The following PLPPR5 variants were observed in gnomAD, a reference collection of about 807,000 sequenced individuals.
PLPPR5 encodes the protein phospholipid phosphatase-related protein type 5.
In PLPPR5, 16 loss-of-function variants were observed where a neutral mutation model predicts 33.9. That is an observed-to-expected ratio of 0.47 (90% confidence interval 0.32 to 0.72). The LOEUF (loss-of-function observed/expected upper bound fraction) is 0.72. Among genes scored for constraint, PLPPR5 ranks in the 30% least tolerant of loss-of-function variants. The pLI is 0.03. For synonymous variants in PLPPR5, 163 were observed against 150.3 expected, an observed-to-expected ratio of 1.08 and a Z score of -0.62; for missense variants, 301 against 406.7, an observed-to-expected ratio of 0.74 and a Z score of 2.23.
At chr1:98,989,440 G>A (rs1285629691) in intron 1 of PLPPR5, among the ~76,000 whole-genome samples, 1 of 152,110 alleles carries the variant, frequency 6.6e-6, no homozygotes, top group Non-Finnish European at 1.5e-5. Context: ...TGAGGACACT[G>A]TAACCCACAA....
Position 98,947,793 on chromosome 1 carries a change from A to T in PLPPR5, c.621+5277T>A, listed in dbSNP as rs950226228. 3.9e-5 allele frequency among the ~76,000 whole-genome samples: 6 copies of T among 152,316 alleles called. No individual in the cohort carries two copies. The East Asian group carries it at 7.7e-4, about 20-fold the overall frequency. Reference sequence around the variant, plus strand: ...TAGGTGAAACATCAATCGACTAATAATAGTGGTCATGGCACCAGTTGTCAT... The same window carrying T: ...TAGGTGAAACATCAATCGACTAATATTAGTGGTCATGGCACCAGTTGTCAT... On this transcript the variant is annotated intron_variant, in intron 3 of 5. Transcript: ENST00000263177.
intron 1 of PLPPR5, among the ~76,000 whole-genome samples, chr1:98,974,312 T>C (rs996658656): frequency 1.3e-5 from 2 of 152,090 alleles, no homozygotes; most frequent in African/African-American, 4.8e-5. Flanking sequence ...GAGGTTGTCA[T>C]TGGTGACCTC....
chr1:98,987,791 GA>G (rs987066024), intron 1 of PLPPR5, among the ~76,000 whole-genome samples: 3 of 151,840 alleles, frequency 2.0e-5, no homozygotes, highest in Non-Finnish European at 2.9e-5. Flanking sequence ...AACTAATAAA[GA>G]ATTATGCATT....
intron 2 of PLPPR5, among the ~76,000 whole-genome samples, chr1:98,954,322 C>T (rs12077993): frequency 0.01 from 1,532 of 152,206 alleles, 24 homozygotes; most frequent in African/African-American, 0.035. Flanking sequence ...TAAAATCCAA[C>T]AGGACCTTTT....
intron 2 of PLPPR5, among the ~76,000 whole-genome samples, chr1:98,954,591 C>G (rs1384794190): frequency 6.6e-6 from 1 of 151,984 alleles, no homozygotes; most frequent in Non-Finnish European, 1.5e-5. Context: ...AGTTTACATA[C>G]AAAAACCCCC....
chr1:98,929,541 G>A lies in PLPPR5; in HGVS notation c.622-7483C>T, dbSNP rs570353370. The stretch of plus-strand genomic sequence containing the variant: ...AACACTAAGGAGTCACAAATGTGAT[G>A]TAAGTAACAACAACCTCAGTGTTCA... On this transcript the variant is annotated intron_variant, in intron 3 of 5. Coordinates refer to ENST00000263177, the MANE Select transcript of PLPPR5 (RefSeq NM_001037317.2). Among the ~76,000 whole-genome samples, 45 of 152,290 alleles carry A rather than the reference G, an allele frequency of 3.0e-4. 3 individuals carry two copies. The South Asian group carries it at 8.1e-3, about 27-fold the overall frequency.
chr1:98,969,262 G>A (rs182125932), intron 1 of PLPPR5, among the ~76,000 whole-genome samples: 1 of 152,114 alleles, frequency 6.6e-6, no homozygotes, highest in East Asian at 1.9e-4. Flanking sequence ...TTATATGACA[G>A]AGAAAAGAAT....
At chr1:98,991,673 A>C (rs568274961) in intron 1 of PLPPR5, among the ~76,000 whole-genome samples, 1 of 140,312 alleles carries the variant, frequency 7.1e-6, no homozygotes, top group African/African-American at 2.7e-5. Context: ...TAACTTCAAA[A>C]GGTTGAGTTG....
At chr1:98,919,976 GAATGCATA>G (rs1649485662) in intron 4 of PLPPR5, among the ~76,000 whole-genome samples, 1 of 152,094 alleles carries the variant, frequency 6.6e-6, no homozygotes, top group Non-Finnish European at 1.5e-5. Flanking sequence ...GGCTGTGAAT[GAATGCATA>G]AATGCATTTT....
intron 5 of PLPPR5, among the ~76,000 whole-genome samples, chr1:98,899,658 G>T (rs12075374): frequency 0.11 from 11,547 of 103,196 alleles, 843 homozygotes; most frequent in African/African-American, 0.22. Flanking sequence ...TATTTCACTT[G>T]TTTTTTTTTT....
At chr1:98,983,166 C>T (rs1299892907) in intron 1 of PLPPR5, among the ~76,000 whole-genome samples, 1 of 151,212 alleles carries the variant, frequency 6.6e-6, no homozygotes, top group Non-Finnish European at 1.5e-5. Flanking sequence ...CAACATGTGC[C>T]ATGCTGGTGC....
At chr1:98,936,375 C>T (rs309059) in intron 3 of PLPPR5, among the ~76,000 whole-genome samples, 142,440 of 152,294 alleles carry the variant, frequency 0.94, 66,701 homozygotes, top group East Asian at 1. Flanking sequence ...GATGCTGACA[C>T]GGCCATAAGC....
At chr1:98,979,412 G>A (rs1651979115) in intron 1 of PLPPR5, among the ~76,000 whole-genome samples, 1 of 151,992 alleles carries the variant, frequency 6.6e-6, no homozygotes, top group Non-Finnish European at 1.5e-5. Context: ...TTTGATTATT[G>A]TGAGCTATTC....
Position 98,953,252 on chromosome 1 carries a change from G to A in PLPPR5, c.439C>T (p.Leu147=). 6.2e-7 allele frequency: 1 copy of A among 1,614,046 alleles called. No individual in the cohort carries two copies. ...VNAGQVVTGN[L]APHFLALCKP... ...CACAGGGCAAGGAAATGTGGGGCCAGATTTCCTGTGACTACTTGTCCAGCA... is the reference window on the plus strand; with the variant it reads ...CACAGGGCAAGGAAATGTGGGGCCAAATTTCCTGTGACTACTTGTCCAGCA... The change falls in exon 3 of 6, where the codon CTG becomes TTG. Residue 147 remains leucine, a synonymous_variant. Transcript: ENST00000263177.
chr1:98,978,011 G>A (rs1474690270), intron 1 of PLPPR5, among the ~76,000 whole-genome samples: 1 of 151,970 alleles, frequency 6.6e-6, no homozygotes, highest in Non-Finnish European at 1.5e-5. Flanking sequence ...AATCATGAAT[G>A]TGACTTTAGA....
chr1:98,979,390 A>G (rs1284900692), intron 1 of PLPPR5, among the ~76,000 whole-genome samples: 2 of 152,098 alleles, frequency 1.3e-5, no homozygotes, highest in African/African-American at 2.4e-5. Context: ...AATGACTGCA[A>G]TATCCATGCC....
intron 3 of PLPPR5, among the ~76,000 whole-genome samples, chr1:98,937,448 A>G (rs757525698): frequency 6.6e-6 from 1 of 152,170 alleles, no homozygotes; most frequent in African/African-American, 2.4e-5. Flanking sequence ...CTATGAGCTC[A>G]TAAGATTGAG....
intron 1 of PLPPR5, among the ~76,000 whole-genome samples, chr1:98,983,938 GTTT>G (rs971768193): frequency 7.1e-6 from 1 of 140,576 alleles, no homozygotes; most frequent in Admixed American, 7.2e-5. Context: ...TTGATGGGTT[GTTT>G]TTTTCTTTTT....
intron 4 of PLPPR5, among the ~76,000 whole-genome samples, chr1:98,919,321 A>C (rs777804339): frequency 2.6e-5 from 4 of 152,220 alleles, no homozygotes; most frequent in Non-Finnish European, 5.9e-5. Flanking sequence ...CCAAAGGCAA[A>C]TGTTAGGCAT....
Sources: gnomAD v4.1 joint callset for allele counts (sites outside exome capture counted in the v4.1 genomes callset) on GRCh38, gnomAD v4.1.1 for gene constraint, MANE v1.5 for transcripts, NCBI Gene and HGNC (gene_info 2026-07-23, HGNC 2026-07-21) for gene names.